The following NLRP5 variants were observed in gnomAD, a reference collection of about 807,000 sequenced individuals.
NLRP5 encodes the protein NLR family pyrin domain containing 5, also known as NACHT, LRR and PYD domains-containing protein 5.
In NLRP5, 93 loss-of-function variants were observed where a neutral mutation model predicts 113.1. That is an observed-to-expected ratio of 0.82 (90% confidence interval 0.70 to 0.98). NLRP5 has a LOEUF of 0.98. NLRP5 is among the 50% of genes least tolerant of loss of function. The pLI is 0.00. For synonymous variants in NLRP5, 751 were observed against 600.7 expected (o/e 1.25, Z -3.66); for missense variants, 1,808 against 1,514.3 (o/e 1.19, Z -3.22).
intron 9 of NLRP5, among the ~76,000 whole-genome samples, chr19:56,033,987 C>G (rs1054629551): frequency 6.6e-6 from 1 of 152,230 alleles, no homozygotes; most frequent in Non-Finnish European, 1.5e-5. Flanking sequence ...TCAGTCTGAT[C>G]TTGAACTCCT....
chr19:56,026,846 G>T (rs1192873530), intron 6 of NLRP5, 67 bp from the exon 7 acceptor site: 1 of 1,480,820 alleles, frequency 6.8e-7, no homozygotes. Context: ...ACAGTGCTGG[G>T]ATGACAGGTG....
the NLRP5 span, among the ~76,000 whole-genome samples, chr19:55,991,012 T>G: frequency 6.6e-6 from 1 of 152,118 alleles, no homozygotes; most frequent in Admixed American, 6.6e-5. Flanking sequence ...CGCTGAGCTG[T>G]TGATCATTAT....
intron 8 of NLRP5, among the ~76,000 whole-genome samples, chr19:56,033,061 C>T (rs1213855355): frequency 6.6e-6 from 1 of 151,924 alleles, no homozygotes; most frequent in Non-Finnish European, 1.5e-5. Flanking sequence ...GCCTGGCCAA[C>T]ATGGTGAAAC....
rs368313154 is a variant in NLRP5 at position 56,032,626 on chromosome 19, C to A, written c.2292C>A (p.Thr764=). The change falls in exon 8 of 15, where the codon ACC becomes ACA. Residue 764 remains threonine, a synonymous_variant. Transcript: ENST00000390649. The stretch of plus-strand genomic sequence containing the variant: ...CCTGACATAGGATGCGGGATAAGAC[C>A]CTCATTGAGGAGCAGTGGGAAGATT... The A allele has an allele frequency of 3.7e-6, 6 of 1,613,472 alleles. No individual in the cohort carries two copies. The highest frequency in any genetic ancestry group is 4.2e-6 in the Non-Finnish European group (5 of 1,179,656).
At chr19:56,055,956 T>C (rs1192275728) in intron 13 of NLRP5, among the ~76,000 whole-genome samples, 3 of 152,130 alleles carry the variant, frequency 2.0e-5, no homozygotes, top group Admixed American at 1.3e-4. Context: ...TCTCTGCTCT[T>C]TGGTAGCTGA....
intron 3 of NLRP5, among the ~76,000 whole-genome samples, chr19:56,012,600 C>T (rs1982241069): frequency 6.7e-6 from 1 of 150,092 alleles, no homozygotes; most frequent in Middle Eastern, 3.4e-3. Context: ...AATCCTTCAG[C>T]AGAGACAACA....
chr19:55,991,208 T>C, the NLRP5 span, among the ~76,000 whole-genome samples: 1 of 152,318 alleles, frequency 6.6e-6, no homozygotes, highest in South Asian at 2.1e-4. Flanking sequence ...TTCCATTTGC[T>C]CATTATTTGG....
At chr19:55,995,148 G>A (rs963992902), upstream of NLRP5, among the ~76,000 whole-genome samples, 1 of 152,082 alleles carries the variant, frequency 6.6e-6, no homozygotes, top group South Asian at 2.1e-4. Flanking sequence ...TCATAGGTGG[G>A]AATTGAACAA....
chr19:56,002,743 G>A (rs933328766), intron 1 of NLRP5, among the ~76,000 whole-genome samples: 5 of 149,826 alleles, frequency 3.3e-5, no homozygotes, highest in African/African-American at 1.2e-4. Flanking sequence ...GCGATAGTTT[G>A]CTGAGAATGA....
chr19:55,999,340 G>A (rs1356684737), upstream of NLRP5, among the ~76,000 whole-genome samples: 4 of 149,456 alleles, frequency 2.7e-5, no homozygotes, highest in South Asian at 4.2e-4. Flanking sequence ...TCAGCCTCCC[G>A]AGTAGCTGGG....
chr19:56,047,637 A>G (rs1242863069), intron 11 of NLRP5, among the ~76,000 whole-genome samples: 17 of 152,150 alleles, frequency 1.1e-4, no homozygotes, highest in Admixed American at 1.1e-3. Flanking sequence ...AGCTCATTCT[A>G]TGGCCTGTTA....
upstream of NLRP5, among the ~76,000 whole-genome samples, chr19:55,997,076 CTGA>C (rs1473376301): frequency 1.6e-4 from 25 of 152,208 alleles, no homozygotes; most frequent in Non-Finnish European, 7.3e-5. Flanking sequence ...TTGCATTTCT[CTGA>C]TGGCCAGTGA....
chr19:56,033,848 T>C (rs754460571), intron 9 of NLRP5, 139 bp downstream of exon 9: 7 of 704,896 alleles, frequency 9.9e-6, no homozygotes, highest in African/African-American at 8.9e-5. Context: ...ATTGCAGGAG[T>C]TGAGTGCCAC....
rs1981555572 is a variant in NLRP5 at position 55,999,731 on chromosome 19, G to A, written c.6G>A (p.Lys2=). ...CTTTCCATGGCGATGTTATCATGAA[G>A]GTTGCAGGAGGACTTGAACTTGGAG... Residue 2 remains lysine, a synonymous_variant, in exon 1 of 15, where the codon AAG becomes AAA. Transcript: ENST00000390649. The A allele has an allele frequency of 1.2e-6, 2 of 1,612,238 alleles. No homozygotes were observed. Among genetic ancestry groups the A allele is most frequent in the African/African-American group, 1.3e-5 (1 of 74,880 alleles).
At chr19:56,000,487 C>A (rs1981601726) in intron 1 of NLRP5, among the ~76,000 whole-genome samples, 1 of 151,970 alleles carries the variant, frequency 6.6e-6, no homozygotes, top group Admixed American at 6.6e-5. Flanking sequence ...GCCTCAGCCT[C>A]CCTAGTAGCT....
At chr19:56,005,050 T>C (rs1298818328) in intron 2 of NLRP5, among the ~76,000 whole-genome samples, 1 of 146,810 alleles carries the variant, frequency 6.8e-6, no homozygotes, top group African/African-American at 2.5e-5. Flanking sequence ...GCCGAGATTA[T>C]GCCACTGCAC....
chr19:56,026,909 C>G lies in NLRP5; in HGVS notation c.680-4C>G. On this transcript the variant is annotated splice_region_variant and splice_polypyrimidine_tract_variant and intron_variant, in intron 6 of 14. Transcript: ENST00000390649. Reference sequence around the variant, plus strand: ...GATTTTCATTCTACCCTCTCTGACTCCAGGACATGGAGGTGACACATGGGA... The same window carrying G: ...GATTTTCATTCTACCCTCTCTGACTGCAGGACATGGAGGTGACACATGGGA... 1.3e-6 allele frequency: 2 copies of G among 1,549,140 alleles called. No individual in the cohort carries two copies. Among genetic ancestry groups the G allele is most frequent in the Non-Finnish European group, 1.7e-6 (2 of 1,145,138 alleles).
chr19:56,028,915 C>T (rs1982985233), intron 7 of NLRP5, among the ~76,000 whole-genome samples: 1 of 152,144 alleles, frequency 6.6e-6, no homozygotes, highest in Admixed American at 6.5e-5. Context: ...CAGGCATGCA[C>T]CACCATGCCC....
At chr19:56,030,090 C>T (rs537278751) in intron 7 of NLRP5, among the ~76,000 whole-genome samples, 1 of 150,506 alleles carries the variant, frequency 6.6e-6, no homozygotes, top group Non-Finnish European at 1.5e-5. Context: ...TCACATGGGG[C>T]TGGGCGCGGT....
Sources: allele counts gnomAD v4.1 joint callset (sites outside exome capture counted in the v4.1 genomes callset), GRCh38; gene constraint gnomAD v4.1.1; transcripts MANE v1.5; gene names NCBI Gene and HGNC (gene_info 2026-07-23, HGNC 2026-07-21).